CCDC30: variants seen among roughly 807,000 people sequenced by gnomAD.
CCDC30 encodes coiled-coil domain-containing protein 30.
Under a neutral mutation model 100.2 loss-of-function variants are expected in CCDC30, and 70 were observed. The observed-to-expected ratio is 0.70, with a 90% CI of 0.58 to 0.85. CCDC30 has a LOEUF of 0.85. Ranked by LOEUF, CCDC30 falls within the 40% of genes least tolerant of loss-of-function variation. CCDC30 has a pLI of 0.00. For missense variants in CCDC30, 652 were observed against 771.2 expected (o/e 0.85, Z 1.83); for synonymous variants, 233 against 269.5 (o/e 0.86, Z 1.33).
chr1:42,630,672 G>A (rs1294839596), intron 11 of CCDC30, among the ~76,000 whole-genome samples: 1 of 152,012 alleles, frequency 6.6e-6, no homozygotes, highest in Non-Finnish European at 1.5e-5. Flanking sequence ...GTGAGCCACC[G>A]CACCTGGCCC....
At chr1:42,611,419 C>T (rs1646621042) in intron 11 of CCDC30, among the ~76,000 whole-genome samples, 1 of 152,076 alleles carries the variant, frequency 6.6e-6, no homozygotes, top group Non-Finnish European at 1.5e-5. Context: ...GAACCACCCT[C>T]TCCTCATTTA....
chr1:42,485,753 A>T (rs1019131819), intron 3 of CCDC30, among the ~76,000 whole-genome samples: 1 of 152,220 alleles, frequency 6.6e-6, no homozygotes, highest in African/African-American at 2.4e-5. Flanking sequence ...CCATCATAAA[A>T]ATTGATAAGT....
In CCDC30 at chr1:42,536,703, G is replaced by A. The variant is rs879091974; in HGVS notation, c.457-29593G>A. 5.9e-6 allele frequency: 5 copies of A among 848,238 alleles called. No individual in the cohort carries two copies. In the African/African-American group the frequency reaches 8.6e-5, roughly 15 times the overall value. 52.5% of individuals were successfully genotyped at this position (848,238 alleles called of 1,614,324 possible). ...AGTATAACTATGTGTCTCAGCTTGG[G>A]CTGCCATAACCAAACACCACAGACT... On this transcript the variant is annotated intron_variant, in intron 6 of 16. Transcript: ENST00000668663.
intron 6 of CCDC30, among the ~76,000 whole-genome samples, chr1:42,549,149 G>A (rs1388016984): frequency 6.6e-6 from 1 of 152,172 alleles, no homozygotes; most frequent in African/African-American, 2.4e-5. Flanking sequence ...AGGAAGGACT[G>A]ATGAGCGGGA....
chr1:42,482,883 G>C, intron 3 of CCDC30, 67 bp downstream of exon 3: 2 of 977,444 alleles, frequency 2.0e-6, no homozygotes, highest in Non-Finnish European at 2.6e-6. Flanking sequence ...TCTCAGGGTG[G>C]AACATGAGAA....
chr1:42,532,602 C>T (rs939714185), intron 6 of CCDC30, among the ~76,000 whole-genome samples: 1 of 152,092 alleles, frequency 6.6e-6, no homozygotes, highest in Non-Finnish European at 1.5e-5. Flanking sequence ...CTCATTTAAT[C>T]CCAATAACAG....
chr1:42,557,688 T>A, intron 6 of CCDC30, among the ~76,000 whole-genome samples: 1 of 147,434 alleles, frequency 6.8e-6, no homozygotes. Flanking sequence ...AATATTTTAT[T>A]TATATTAAAT....
intron 6 of CCDC30, among the ~76,000 whole-genome samples, chr1:42,531,687 A>G (rs1644808605): frequency 6.6e-6 from 1 of 152,180 alleles, no homozygotes. Flanking sequence ...GCTTGTGCCG[A>G]GAGACAGAGG....
At chr1:42,528,406 C>T (rs969772516) in intron 6 of CCDC30, among the ~76,000 whole-genome samples, 2 of 152,214 alleles carry the variant, frequency 1.3e-5, no homozygotes, top group East Asian at 1.9e-4. Flanking sequence ...GCAGGCCCCA[C>T]GATGAACATA....
chr1:42,606,816 T>C (rs967551944), intron 10 of CCDC30, among the ~76,000 whole-genome samples: 1 of 152,244 alleles, frequency 6.6e-6, no homozygotes, highest in Non-Finnish European at 1.5e-5. Context: ...ATAGGTACCA[T>C]AGATGAAGTC....
chr1:42,542,459 A>G (rs1396861863), intron 6 of CCDC30, among the ~76,000 whole-genome samples: 1 of 151,462 alleles, frequency 6.6e-6, no homozygotes, highest in Non-Finnish European at 1.5e-5. Context: ...TCCTGGCCTC[A>G]GGTGATTGTC....
chr1:42,653,200 T>TTA (rs908624494), intron 15 of CCDC30, among the ~76,000 whole-genome samples, 176 bp from the exon 20 acceptor site: 7 of 151,996 alleles, frequency 4.6e-5, no homozygotes, highest in Non-Finnish European at 7.4e-5. Context: ...TATAGATAGG[T>TTA]TATATATATA....
chr1:42,604,557 A>G (rs1469936653), intron 10 of CCDC30, among the ~76,000 whole-genome samples: 1 of 152,092 alleles, frequency 6.6e-6, no homozygotes, highest in African/African-American at 2.4e-5. Context: ...GTGATTTTAA[A>G]CTCCATTTTT....
At chr1:42,597,861 C>CTTAAAAAAAAT (rs1401327534) in intron 10 of CCDC30, among the ~76,000 whole-genome samples, 2 of 143,774 alleles carry the variant, frequency 1.4e-5, no homozygotes, top group African/African-American at 5.2e-5. Context: ...CAAGAATCTG[C>CTTAAAAAAAAT]CTTAAAAAAA....
chr1:42,643,200 T>C (rs996232192), intron 13 of CCDC30, among the ~76,000 whole-genome samples: 6 of 152,200 alleles, frequency 3.9e-5, no homozygotes, highest in Admixed American at 3.9e-4. Flanking sequence ...CTAAGCTCTT[T>C]CCTTCATTTA....
chr1:42,602,477 A>T (rs1646423618), intron 10 of CCDC30, among the ~76,000 whole-genome samples: 1 of 152,212 alleles, frequency 6.6e-6, no homozygotes, highest in South Asian at 2.1e-4. Flanking sequence ...ATTACTACAG[A>T]TGCCACGAAC....
chr1:42,506,239 A>T (rs1300596564), intron 6 of CCDC30, among the ~76,000 whole-genome samples: 1 of 152,246 alleles, frequency 6.6e-6, no homozygotes, highest in Non-Finnish European at 1.5e-5. Context: ...AGTGTAGTTC[A>T]TGCAGTTATC....
chr1:42,587,884 A>G (rs1570160226), intron 9 of CCDC30, among the ~76,000 whole-genome samples: 3 of 152,206 alleles, frequency 2.0e-5, no homozygotes, highest in South Asian at 4.1e-4. Flanking sequence ...TCTAGGTCCC[A>G]TTGCTTAGTG....
chr1:42,605,361 T>A (rs1646481884), intron 10 of CCDC30, among the ~76,000 whole-genome samples: 1 of 152,232 alleles, frequency 6.6e-6, no homozygotes, highest in African/African-American at 2.4e-5. Context: ...CCAAATTTCC[T>A]ATCTGCTTAA....
Sources: gnomAD v4.1 joint callset for allele counts (sites outside exome capture counted in the v4.1 genomes callset) on GRCh38, gnomAD v4.1.1 for gene constraint, MANE v1.5 for transcripts, NCBI Gene and HGNC (gene_info 2026-07-23, HGNC 2026-07-21) for gene names.